The following TEX36 variants were observed in gnomAD, a reference collection of about 807,000 sequenced individuals.
TEX36 encodes the protein testis-expressed protein 36.
TEX36 carries 12 observed loss-of-function variants against 13.6 expected under a neutral mutation model. The ratio of observed to expected loss-of-function variants is 0.88; its 90% confidence interval spans 0.56 to 1.43. TEX36 has a LOEUF of 1.43. Among genes scored for constraint, TEX36 ranks in the 40% most tolerant of loss-of-function variants. TEX36 has a pLI of 0.00. For missense variants in TEX36, 224 were observed against 228.3 expected (o/e 0.98, Z 0.12); for synonymous variants, 93 against 83.0 (o/e 1.12, Z -0.65).
chr10:125,678,719 G>A (rs747926384), intron 1 of TEX36, among the ~76,000 whole-genome samples: 31 of 152,246 alleles, frequency 2.0e-4, no homozygotes, highest in Non-Finnish European at 4.0e-4. Context: ...GCACATGGGG[G>A]CCAGCTGAGA....
At chr10:125,585,607 T>A (rs575430202) in intron 3 of TEX36, among the ~76,000 whole-genome samples, 80 of 152,202 alleles carry the variant, frequency 5.3e-4, no homozygotes, top group Non-Finnish European at 9.3e-4. Flanking sequence ...ACAGGTGTCC[T>A]ACCCTATGTG....
chr10:125,677,077 A>T (rs1272510023), intron 1 of TEX36, among the ~76,000 whole-genome samples: 1 of 152,176 alleles, frequency 6.6e-6, no homozygotes, highest in East Asian at 1.9e-4. Flanking sequence ...TGTTAGTCTG[A>T]CGGAGTTTCC....
chr10:125,629,322 G>A (rs1846524509), intron 3 of TEX36, among the ~76,000 whole-genome samples: 1 of 152,126 alleles, frequency 6.6e-6, no homozygotes, highest in Non-Finnish European at 1.5e-5. Context: ...TGAGAAACCT[G>A]TTTCCTCATC....
intron 1 of TEX36, among the ~76,000 whole-genome samples, chr10:125,664,465 C>T (rs1171407593): frequency 6.6e-6 from 1 of 152,134 alleles, no homozygotes; most frequent in African/African-American, 2.4e-5. Context: ...TGGTTGTCCC[C>T]ATGCAAATCA....
intron 3 of TEX36, among the ~76,000 whole-genome samples, chr10:125,622,359 G>A (rs1189011155): frequency 6.6e-6 from 1 of 152,224 alleles, no homozygotes; most frequent in Non-Finnish European, 1.5e-5. Context: ...TAGTACAGGT[G>A]TATACATGCA....
At chr10:125,591,581 C>T (rs1421716557) in intron 3 of TEX36, among the ~76,000 whole-genome samples, 2 of 152,210 alleles carry the variant, frequency 1.3e-5, no homozygotes, top group Admixed American at 6.5e-5. Context: ...GGAAACCGCA[C>T]TGATCAATAC....
At chr10:125,679,147 GCC>G (rs1234159362) in intron 1 of TEX36, among the ~76,000 whole-genome samples, 1 of 82,518 alleles carries the variant, frequency 1.2e-5, no homozygotes, top group South Asian at 4.7e-4. Context: ...CACCCCCCCC[GCC>G]CCCGCCAAGC....
intron 3 of TEX36, among the ~76,000 whole-genome samples, chr10:125,602,290 A>G (rs566192705): frequency 6.6e-5 from 10 of 152,174 alleles, no homozygotes; most frequent in South Asian, 2.1e-4. Flanking sequence ...CATTTTCACT[A>G]TGAAATTTGA....
At chr10:125,658,715 T>C (rs1023567690) in intron 3 of TEX36, among the ~76,000 whole-genome samples, 9 of 152,078 alleles carry the variant, frequency 5.9e-5, no homozygotes, top group Non-Finnish European at 1.2e-4. Flanking sequence ...TAGCAATGAA[T>C]AGATTATTTC....
At chr10:125,663,176 GAAT>G (rs1342897139) in intron 1 of TEX36, among the ~76,000 whole-genome samples, 1 of 152,136 alleles carries the variant, frequency 6.6e-6, no homozygotes, top group Non-Finnish European at 1.5e-5. Flanking sequence ...TGTAAAATGG[GAAT>G]AATAATACCT....
At chr10:125,640,050 G>A (rs971505983) in intron 3 of TEX36, 1 of 529,762 alleles carries the variant, frequency 1.9e-6, no homozygotes, top group Non-Finnish European at 2.4e-6. Context: ...GTATTCCGCT[G>A]TGGTCACTTA....
chr10:125,624,184 A>G (rs900057194), intron 3 of TEX36, among the ~76,000 whole-genome samples: 13 of 152,204 alleles, frequency 8.5e-5, no homozygotes, highest in African/African-American at 3.1e-4. Context: ...AGCAAAACAC[A>G]TTCTGGCTGT....
At chr10:125,640,416 C>T (rs574705915) in intron 3 of TEX36, among the ~76,000 whole-genome samples, 1 of 152,242 alleles carries the variant, frequency 6.6e-6, no homozygotes, top group East Asian at 1.9e-4. Flanking sequence ...CGTAGTCAAG[C>T]GCGTGAGTTA....
intron 3 of TEX36, among the ~76,000 whole-genome samples, chr10:125,579,696 G>A (rs1845862954): frequency 6.6e-6 from 1 of 152,132 alleles, no homozygotes; most frequent in African/African-American, 2.4e-5. Context: ...TCTCATGATA[G>A]TGAGTGAATT....
downstream of TEX36, among the ~76,000 whole-genome samples, chr10:125,618,709 C>A (rs547476359): frequency 5.3e-5 from 8 of 152,170 alleles, no homozygotes; most frequent in African/African-American, 1.7e-4. Context: ...CCTGCCCACC[C>A]TCCAGACCTT....
downstream of TEX36, among the ~76,000 whole-genome samples, chr10:125,620,846 T>G (rs528998084): frequency 6.6e-6 from 1 of 152,234 alleles, no homozygotes; most frequent in Non-Finnish European, 1.5e-5. Flanking sequence ...ATTTGACTAC[T>G]CTGGGAACCT....
chr10:125,661,070 A>T lies in TEX36; in HGVS notation c.215T>A (p.Val72Glu), dbSNP rs1480356809. 1 of 1,551,926 alleles carries T rather than the reference A, an allele frequency of 6.4e-7. No homozygotes were observed. Among genetic ancestry groups the T allele is most frequent in the African/African-American group, 1.4e-5 (1 of 73,034 alleles). ...QAVNNQFPFSVHDNRHSLENS... is the reference protein window; with the variant it reads ...QAVNNQFPFSEHDNRHSLENS... ...CTCCAAGCTGTGCCGATTGTCATGC[A>T]CGGAGAAGGGGAACTGGTTATTCAC... The change falls in exon 3 of 4, where the codon GTG becomes GAG. Residue 72 changes from valine (V) to glutamate (E), a missense_variant. By Grantham distance (121) the Val-to-Glu change is moderately radical. Coordinates refer to ENST00000368821, the MANE Select transcript of TEX36 (RefSeq NM_001128202.3).
intron 3 of TEX36, among the ~76,000 whole-genome samples, chr10:125,659,851 G>A (rs537674821): frequency 1.3e-5 from 2 of 152,216 alleles, no homozygotes; most frequent in Admixed American, 6.5e-5. Context: ...TCATTATCAT[G>A]GACTTTCAGG....
chr10:125,585,214 G>C (rs1009758987), intron 3 of TEX36, among the ~76,000 whole-genome samples: 1 of 152,120 alleles, frequency 6.6e-6, no homozygotes, highest in Non-Finnish European at 1.5e-5. Flanking sequence ...GGTGTGTCCC[G>C]AGGGGCTGCG....
Sources: allele counts gnomAD v4.1 joint callset (sites outside exome capture counted in the v4.1 genomes callset), GRCh38; gene constraint gnomAD v4.1.1; transcripts MANE v1.5; gene names NCBI Gene and HGNC (gene_info 2026-07-23, HGNC 2026-07-21).